The following DIP2C variants were observed in gnomAD, a reference collection of about 807,000 sequenced individuals.
The protein encoded by DIP2C is disco-interacting protein 2 homolog C.
DIP2C carries 33 observed loss-of-function variants against 192.4 expected under a neutral mutation model. The observed-to-expected ratio is 0.17, with a 90% CI of 0.13 to 0.23. The LOEUF (loss-of-function observed/expected upper bound fraction) is 0.23, where lower values mean the gene tolerates loss of function less well. DIP2C is among the 10% of genes least tolerant of loss of function. The probability of loss-of-function intolerance (pLI) is 1.00; values close to 1 mark genes in which losing one functional copy is unlikely to be tolerated. For missense variants in DIP2C, 1,537 were observed against 2,110.1 expected (o/e 0.73, Z 5.32); for synonymous variants, 979 against 864.1 (o/e 1.13, Z -2.33).
In DIP2C at chr10:344,865, T is replaced by A; in HGVS notation, c.3397A>T (p.Thr1133Ser). Residue 1133 changes from threonine to serine, a missense_variant, in exon 28 of 37, where the codon ACT becomes TCT. This residue lies in a region of DIP2C where 46 missense variants were observed against 28.9 expected (regional missense o/e 1.59). Transcript: ENST00000280886. ...AQICKPCNPD[T>S]LAYLDFSVST... ...ACGCTGAAGTCGAGATATGCAAGAGTGTCTGGGTTGCAAGGTTTGCAGATC... is the reference window on the plus strand; with the variant it reads ...ACGCTGAAGTCGAGATATGCAAGAGAGTCTGGGTTGCAAGGTTTGCAGATC... 6.2e-7 allele frequency: 1 copy of A among 1,606,452 alleles called. No homozygotes were observed. The highest frequency in any genetic ancestry group is 8.5e-7 in the Non-Finnish European group (1 of 1,177,756).
chr10:286,203 G>C, intron 34 of DIP2C, 70 bp downstream of exon 34: 1 of 1,455,354 alleles, frequency 6.9e-7, no homozygotes, highest in Non-Finnish European at 9.6e-7. Context: ...GAGCAGTTCT[G>C]ATGGTGTCAA....
At chr10:467,971 A>T (rs1353051446) in intron 3 of DIP2C, among the ~76,000 whole-genome samples, 3 of 152,138 alleles carry the variant, frequency 2.0e-5, no homozygotes, top group Non-Finnish European at 4.4e-5. Context: ...TATATAAATT[A>T]AAAAATTCAG....
intron 1 of DIP2C, chr10:650,175 G>A (rs1855765809): frequency 1.4e-6 from 1 of 717,364 alleles, no homozygotes; most frequent in Non-Finnish European, 2.6e-6. Context: ...AGTCAACACT[G>A]GAGGTCCTGC....
At chr10:375,264 C>A (rs1403784344) in intron 17 of DIP2C, among the ~76,000 whole-genome samples, 1 of 152,040 alleles carries the variant, frequency 6.6e-6, no homozygotes, top group East Asian at 1.9e-4. Flanking sequence ...GAGCTGGGCA[C>A]CTCCTCTCTC....
At chr10:469,247 A>G (rs1970444859) in intron 3 of DIP2C, among the ~76,000 whole-genome samples, 3 of 151,968 alleles carry the variant, frequency 2.0e-5, no homozygotes, top group South Asian at 2.1e-4. Context: ...ATGTTCCTCC[A>G]TATTAACCCA....
At chr10:591,502 T>A (rs754707888) in intron 1 of DIP2C, among the ~76,000 whole-genome samples, 1 of 152,216 alleles carries the variant, frequency 6.6e-6, no homozygotes, top group Non-Finnish European at 1.5e-5. Flanking sequence ...TGGCTATATT[T>A]TTTCCAAGAG....
At chr10:580,236 CAT>C (rs75279020) in intron 1 of DIP2C, among the ~76,000 whole-genome samples, 8,024 of 152,174 alleles carry the variant, frequency 0.053, 338 homozygotes, top group African/African-American at 0.12. Context: ...AGTACACTAA[CAT>C]ATACATGTGT....
intron 30 of DIP2C, among the ~76,000 whole-genome samples, chr10:328,299 G>A (rs1433146924): frequency 6.6e-6 from 1 of 152,200 alleles, no homozygotes; most frequent in East Asian, 1.9e-4. Flanking sequence ...TGCAACAGCA[G>A]GTCTGAAGCC....
At position 680,069 on chromosome 10, in the gene DIP2C, T is replaced by C. The variant is rs553449170; in HGVS notation, c.85+9425A>G. On this transcript the variant is annotated intron_variant, in intron 1 of 36. Coordinates refer to ENST00000280886, the MANE Select transcript of DIP2C (RefSeq NM_014974.3). ...GGATGGGCTTGCTTACCCTGGACGA[T>C]GCTGACAGTGTGGGCCCAGCCCGGT... is the stretch of plus-strand genomic sequence containing the variant. Among the ~76,000 whole-genome samples, 5 of 152,252 alleles carry C rather than the reference T, an allele frequency of 3.3e-5. No individual in the cohort carries two copies. The East Asian group carries it at 9.7e-4, about 29-fold the overall frequency.
rs1310669086 is a variant in DIP2C at position 504,531 on chromosome 10, A to G, written c.86-18001T>C. 2.0e-5 allele frequency among the ~76,000 whole-genome samples: 3 copies of G among 152,202 alleles called. No homozygotes were observed. In the East Asian group the frequency reaches 5.8e-4, roughly 29 times the overall value. On this transcript the variant is annotated intron_variant, in intron 1 of 36. Transcript: ENST00000280886. ...CTCAGAAGCTGCAAGATGACCATGC[A>G]GAGAAGCACCCACGGCTCCGTGACC... is the stretch of plus-strand genomic sequence containing the variant.
At chr10:330,309 T>C (rs1957445745) in intron 29 of DIP2C, among the ~76,000 whole-genome samples, 1 of 152,196 alleles carries the variant, frequency 6.6e-6, no homozygotes, top group African/African-American at 2.4e-5. Flanking sequence ...AATTTTACCT[T>C]CATACTAGAG....
intron 1 of DIP2C, among the ~76,000 whole-genome samples, chr10:491,985 G>C (rs74858244): frequency 1.3e-5 from 2 of 151,832 alleles, no homozygotes; most frequent in African/African-American, 4.8e-5. Flanking sequence ...TCAAAATCCC[G>C]ACCCCAGAAA....
At chr10:380,962 G>C (rs1962316144) in intron 17 of DIP2C, among the ~76,000 whole-genome samples, 1 of 152,204 alleles carries the variant, frequency 6.6e-6, no homozygotes, top group Admixed American at 6.5e-5. Context: ...CCCGCACAGA[G>C]GGAAGTTTCC....
chr10:334,938 G>A (rs1957685638), intron 29 of DIP2C, among the ~76,000 whole-genome samples: 1 of 151,926 alleles, frequency 6.6e-6, no homozygotes, highest in African/African-American at 2.4e-5. Context: ...TTTACTTCAG[G>A]ATATTATCAA....
chr10:561,985 C>G (rs569015554), intron 1 of DIP2C, among the ~76,000 whole-genome samples: 2 of 152,370 alleles, frequency 1.3e-5, no homozygotes, highest in South Asian at 2.1e-4. Flanking sequence ...CCTGTTCCTA[C>G]AACTGCTGTC....
At chr10:278,099 T>G (rs2132115494) in intron 36 of DIP2C, among the ~76,000 whole-genome samples, 1 of 148,314 alleles carries the variant, frequency 6.7e-6, no homozygotes, top group South Asian at 2.1e-4. Context: ...CTGAGGGCCA[T>G]GCGTGTGGAC....
At chr10:662,295 C>T (rs867478409) in intron 1 of DIP2C, among the ~76,000 whole-genome samples, 3 of 152,244 alleles carry the variant, frequency 2.0e-5, no homozygotes, top group African/African-American at 7.2e-5. Flanking sequence ...TAAGTGAATA[C>T]GCACTTGGAG....
chr10:503,840 A>T (rs749632327), intron 1 of DIP2C, among the ~76,000 whole-genome samples: 1 of 152,204 alleles, frequency 6.6e-6, no homozygotes, highest in African/African-American at 2.4e-5. Context: ...TACACCTGAA[A>T]ATCTCTGCCG....
intron 4 of DIP2C, among the ~76,000 whole-genome samples, chr10:424,339 TTCTC>T (rs1966422567): frequency 6.7e-6 from 1 of 149,170 alleles, no homozygotes; most frequent in Admixed American, 6.7e-5. Flanking sequence ...AGCCTGAAAA[TTCTC>T]TATCACCTTG....
Sources: gnomAD v4.1 joint callset for allele counts (sites outside exome capture counted in the v4.1 genomes callset) on GRCh38, gnomAD v4.1.1 for gene constraint, gnomAD v4.1.1 regional missense constraint, MANE v1.5 for transcripts, NCBI Gene and HGNC (gene_info 2026-07-23, HGNC 2026-07-21) for gene names.